MST1R: variants seen among roughly 807,000 people sequenced by gnomAD.
MST1R encodes macrophage-stimulating protein receptor.
A neutral mutation model predicts 117.8 loss-of-function variants in MST1R; 99 were observed. That is an observed-to-expected ratio of 0.84 (90% confidence interval 0.71 to 0.99). The LOEUF is 0.99. Ranked by LOEUF, MST1R falls within the 50% of genes least tolerant of loss-of-function variation. The probability of loss-of-function intolerance (pLI) is 0.00; values close to 1 mark genes in which losing one functional copy is unlikely to be tolerated. For missense variants in MST1R, 1,683 were observed against 1,840.2 expected (o/e 0.91, Z 1.56); for synonymous variants, 734 against 765.3 (o/e 0.96, Z 0.68).
chr3:49,889,561 T>C (rs963532105), intron 19 of MST1R, among the ~76,000 whole-genome samples: 5 of 152,140 alleles, frequency 3.3e-5, no homozygotes, highest in Non-Finnish European at 7.4e-5. Context: ...GACCTGGAGA[T>C]CCAGAGGGGG....
In MST1R at chr3:49,903,510, AGGGGGTGCGCGGGCACTGCCAGTC is replaced by A. The variant is rs2082765535; in HGVS notation, c.76_99del (p.Asp26_Pro33del). 1 of 1,609,236 alleles carries A rather than the reference AGGGGGTGCGCGGGCACTGCCAGTC, an allele frequency of 6.2e-7. No individual in the cohort carries two copies. Among genetic ancestry groups the A allele is most frequent in the African/African-American group, 1.3e-5 (1 of 74,948 alleles). ...ACGTCAAAGTCGCGAGAGGCCGCGT[AGGGGGTGCGCGGGCACTGCCAGTC>A]CTCGCCCGCCGCGGGCTTGGCAGGC... On this transcript the variant is annotated inframe_deletion, in exon 1 of 20. Transcript: ENST00000296474.
chr3:49,896,958 G>A, intron 7 of MST1R, 68 bp from the exon 8 acceptor site: 7 of 1,438,260 alleles, frequency 4.9e-6, no homozygotes, highest in Non-Finnish European at 6.4e-6. Context: ...TCTTCCAGGG[G>A]CCTGTTGACC....
At chr3:49,900,073 G>A (rs576244618) in intron 1 of MST1R, among the ~76,000 whole-genome samples, 17 of 152,306 alleles carry the variant, frequency 1.1e-4, no homozygotes, top group Non-Finnish European at 1.6e-4. Context: ...TTCCCCACTT[G>A]CATAAGGGGC....
In MST1R at chr3:49,890,601, C is replaced by A. The variant is rs1449563443; in HGVS notation, c.3694G>T (p.Asp1232Tyr). ...VKVADFGLAR[D>Y]ILDREYYSVQ... Reference sequence around the variant, plus strand: ...CTATAGTACTCCCTGTCCAGGATGTCGCGGGCCAAACCAAAGTCAGCCACC... The same window carrying A: ...CTATAGTACTCCCTGTCCAGGATGTAGCGGGCCAAACCAAAGTCAGCCACC... The change falls in exon 18 of 20, where the codon GAC (aspartate) becomes TAC (tyrosine). Residue 1232 changes from aspartate to tyrosine, a missense_variant. Physicochemically the swap from Asp to Tyr is radical, Grantham distance 160. Transcript: ENST00000296474. The A allele has an allele frequency of 1.2e-6, 2 of 1,614,006 alleles. No individual in the cohort carries two copies. Among genetic ancestry groups the A allele is most frequent in the Non-Finnish European group, 1.7e-6 (2 of 1,179,922 alleles).
In MST1R at chr3:49,903,381, G is replaced by A. The variant is rs756348422; in HGVS notation, c.229C>T (p.Arg77Cys). ...AGGTCAGGCCCAAGCACATGCAGGC[G>A]ATTGCGTATGGCTACAAACACAGCA... ...ESAVFVAIRNRLHVLGPDLKS... is the reference protein window; with the variant it reads ...ESAVFVAIRNCLHVLGPDLKS... The change falls in exon 1 of 20, where the codon CGC becomes TGC. Residue 77 changes from arginine to cysteine, a missense_variant. Arg to Cys is a radical substitution (Grantham distance 180). Transcript: ENST00000296474. 83 of 1,613,880 alleles carry A rather than the reference G, an allele frequency of 5.1e-5. No individual in the cohort carries two copies. The highest frequency in any genetic ancestry group is 1.7e-4 in the Admixed American group (10 of 60,014).
chr3:49,888,089 C>T (rs1263332410), intron 19 of MST1R, among the ~76,000 whole-genome samples: 3 of 152,092 alleles, frequency 2.0e-5, no homozygotes, highest in Admixed American at 6.5e-5. Context: ...GTCAGGAGTT[C>T]GAGACCAGCC....
chr3:49,891,263 G>A lies in MST1R; in HGVS notation c.3578C>T (p.Ala1193Val). ...KDLISFGLQV[A>V]RGMEYLAEQK... ...CTCTGCCAGGTACTCCATGCCGCGG[G>A]CTACCTGCAGGCCAAAGCTGATGAG... Residue 1193 changes from alanine (A) to valine (V), a missense_variant, in exon 17 of 20, where the codon GCC (alanine) becomes GTC (valine). Coordinates refer to ENST00000296474, the MANE Select transcript of MST1R (RefSeq NM_002447.4). 3 of 1,614,150 alleles carry A rather than the reference G, an allele frequency of 1.9e-6. No individual in the cohort carries two copies. The highest frequency in any genetic ancestry group is 2.2e-5 in the East Asian group (1 of 44,886).
At position 49,891,201 on chromosome 3, in the gene MST1R, A is replaced by T. The variant is rs766559516; in HGVS notation, c.3640T>A (p.Cys1214Ser). Residue 1214 changes from cysteine to serine, a missense_variant, in exon 17 of 20, where the codon TGC (cysteine) becomes AGC (serine). By Grantham distance (112) the Cys-to-Ser change is moderately radical (BLOSUM62 -1). Coordinates refer to ENST00000296474, the MANE Select transcript of MST1R (RefSeq NM_002447.4). ...FVHRDLAARN[C>S]MLDESFTVKV... ...CCAGCTACTCTGGACTCTCACATGCAGTTCCGCGCAGCCAGGTCCCTGTGC... is the reference window on the plus strand; with the variant it reads ...CCAGCTACTCTGGACTCTCACATGCTGTTCCGCGCAGCCAGGTCCCTGTGC... 6.2e-7 allele frequency: 1 copy of T among 1,613,662 alleles called. No homozygotes were observed.
In MST1R at chr3:49,895,759, G is replaced by A. The variant is rs769560872; in HGVS notation, c.2918C>T (p.Ala973Val). Residue 973 changes from alanine (A) to valine (V), a missense_variant, in exon 12 of 20, where the codon GCG becomes GTG. Transcript: ENST00000296474. Reference sequence around the variant, plus strand: ...CCAGTAGCTGAAGACCAGTGCAGTCGCCAGTGCAGCCACAAGCAGCAGCAA... The same window carrying A: ...CCAGTAGCTGAAGACCAGTGCAGTCACCAGTGCAGCCACAAGCAGCAGCAA... The part of the protein sequence containing the change: ...LPLLLLVAAL[A>V]TALVFSYWWR... The A allele has an allele frequency of 3.1e-5, 50 of 1,613,182 alleles. No homozygotes were observed. The highest frequency in any genetic ancestry group is 2.9e-4 in the South Asian group (26 of 91,084).
chr3:49,891,812 C>T lies in MST1R; in HGVS notation c.3298G>A (p.Glu1100Lys). Residue 1100 changes from glutamate to lysine, a missense_variant, in exon 15 of 20, where the codon GAA (glutamate) becomes AAA (lysine). Transcript: ENST00000296474. ...CGATTCTGGGCCTGGTCTATGTATT[C>T]TCCGTGGTAGACAACTCCAAAGTGG... ...KGHFGVVYHG[E>K]YIDQAQNRIQ... is the part of the protein sequence containing the mutation. 6.2e-7 allele frequency: 1 copy of T among 1,614,126 alleles called. No homozygotes were observed. Among genetic ancestry groups the T allele is most frequent in the Non-Finnish European group, 8.5e-7 (1 of 1,180,028 alleles).
chr3:49,887,612 C>T (rs2082201515), intron 19 of MST1R, 50 bp from the exon 20 acceptor site: 1 of 1,592,366 alleles, frequency 6.3e-7, no homozygotes, highest in Non-Finnish European at 8.5e-7. Context: ...CCCAAGGATT[C>T]TGGGCCACCC....
chr3:49,893,769 G>A (rs1036036698), intron 14 of MST1R, among the ~76,000 whole-genome samples: 1 of 150,822 alleles, frequency 6.6e-6, no homozygotes, highest in African/African-American at 2.4e-5. Flanking sequence ...CACGGTGGCA[G>A]GCGCCTGTAG....
At chr3:49,894,386 G>A (rs535681838) in intron 14 of MST1R, among the ~76,000 whole-genome samples, 4 of 151,932 alleles carry the variant, frequency 2.6e-5, no homozygotes, top group East Asian at 3.9e-4. Context: ...AACATGATTC[G>A]AGGCCCATCT....
At chr3:49,901,042 C>G (rs1403575363) in intron 1 of MST1R, among the ~76,000 whole-genome samples, 5 of 152,158 alleles carry the variant, frequency 3.3e-5, no homozygotes. Flanking sequence ...CCTGGCACTG[C>G]CCAGCCGTGC....
Position 49,887,489 on chromosome 3 carries a change from C to T in MST1R, c.4021G>A (p.Val1341Met), listed in dbSNP as rs201481391. ...RPTFRVLVGE[V>M]EQIVSALLGD... The stretch of plus-strand genomic sequence containing the variant: ...AGCAGTGCAGACACTATCTGCTCCA[C>T]CTCCCCCACTAGTACTCTGAAGGTG... The change falls in exon 20 of 20, where the codon GTG becomes ATG. Residue 1341 changes from valine to methionine, a missense_variant. Coordinates refer to ENST00000296474, the MANE Select transcript of MST1R (RefSeq NM_002447.4). The T allele has an allele frequency of 8.7e-6, 14 of 1,614,228 alleles. No homozygotes were observed. In the East Asian group the frequency reaches 2.9e-4, roughly 33 times the overall value.
intron 18 of MST1R, among the ~76,000 whole-genome samples, 158 bp from the exon 19 acceptor site, chr3:49,890,218 C>T (rs191966450): frequency 3.9e-5 from 6 of 152,324 alleles, no homozygotes; most frequent in Admixed American, 3.9e-4. Context: ...TGTCTTTCCT[C>T]TGTCTCCTCC....
Position 49,899,249 on chromosome 3 carries a change from G to T in MST1R, c.1245C>A (p.Ala415=). ...GGCGGCAGCTGGTGTTGGGGCTGAG[G>T]GCTTCCAGGCCAGGCTGGGAAAGGT... ...SFCPNPPGLE[A]LSPNTSCRHF... Residue 415 remains alanine, a synonymous_variant, in exon 2 of 20, where the codon GCC becomes GCA. Coordinates refer to ENST00000296474, the MANE Select transcript of MST1R (RefSeq NM_002447.4). 2.5e-6 allele frequency: 4 copies of T among 1,614,042 alleles called. No homozygotes were observed. The highest frequency in any genetic ancestry group is 3.4e-6 in the Non-Finnish European group (4 of 1,179,938).
In MST1R at chr3:49,887,277, C is replaced by T. The variant is rs2108348771; in HGVS notation, c.*30G>A. 1 of 1,610,516 alleles carries T rather than the reference C, an allele frequency of 6.2e-7. No homozygotes were observed. Among genetic ancestry groups the T allele is most frequent in the Non-Finnish European group, 8.5e-7 (1 of 1,178,384 alleles). ...GAGGCAGCTTGGGGTTAGCTCAAGG[C>T]AGCTAAGCAGGTCCAGCCCAAGAAC... On this transcript the variant is annotated 3_prime_UTR_variant, in exon 20 of 20. Coordinates refer to ENST00000296474, the MANE Select transcript of MST1R (RefSeq NM_002447.4).
intron 1 of MST1R, among the ~76,000 whole-genome samples, chr3:49,900,794 C>T (rs3774758): frequency 5.3e-5 from 8 of 151,966 alleles, no homozygotes; most frequent in Non-Finnish European, 1.0e-4. Flanking sequence ...CTTAGCTCTA[C>T]GTTCCCAGGC....
Sources: allele counts gnomAD v4.1 joint callset (sites outside exome capture counted in the v4.1 genomes callset), GRCh38; gene constraint gnomAD v4.1.1; transcripts MANE v1.5; gene names NCBI Gene and HGNC (gene_info 2026-07-23, HGNC 2026-07-21).